Variants in GALNTL6 observed in about 807,000 individuals in gnomAD.
GALNTL6 encodes polypeptide N-acetylgalactosaminyltransferase-like 6.
In GALNTL6, 46 loss-of-function variants were observed where a neutral mutation model predicts 73.7. The ratio of observed to expected loss-of-function variants is 0.62; its 90% CI spans 0.49 to 0.80. The LOEUF (loss-of-function observed/expected upper bound fraction) is 0.80. Ranked by LOEUF, GALNTL6 falls within the 30% of genes least tolerant of loss-of-function variation. The probability of loss-of-function intolerance (pLI) is 0.00; values close to 1 mark genes in which losing one functional copy is unlikely to be tolerated. For synonymous variants in GALNTL6, 259 were observed against 263.7 expected (o/e 0.98, Z 0.17); for missense variants, 604 against 755.0 (o/e 0.80, Z 2.34).
chr4:172,811,620 A>G (rs1347057631), intron 6 of GALNTL6, among the ~76,000 whole-genome samples: 1 of 152,128 alleles, frequency 6.6e-6, no homozygotes, highest in Non-Finnish European at 1.5e-5. Context: ...TAAAAAACAA[A>G]TGCTTAGCCA....
intron 5 of GALNTL6, among the ~76,000 whole-genome samples, chr4:172,414,349 A>G (rs1387415888): frequency 6.6e-6 from 1 of 152,126 alleles, no homozygotes; most frequent in Non-Finnish European, 1.5e-5. Flanking sequence ...AATTCCACAT[A>G]TTTCCAACTT....
At chr4:172,884,710 A>T (rs1355155147) in intron 8 of GALNTL6, among the ~76,000 whole-genome samples, 1 of 152,180 alleles carries the variant, frequency 6.6e-6, no homozygotes, top group Non-Finnish European at 1.5e-5. Flanking sequence ...AATGTCCTGT[A>T]GTGTTTCCCC....
intron 2 of GALNTL6, among the ~76,000 whole-genome samples, chr4:171,883,876 T>C (rs1490179097): frequency 1.3e-5 from 2 of 152,066 alleles, no homozygotes; most frequent in Non-Finnish European, 1.5e-5. Flanking sequence ...CTCAATCTCC[T>C]AACCTTGTGA....
intron 5 of GALNTL6, among the ~76,000 whole-genome samples, chr4:172,635,805 A>G (rs1002483314): frequency 1.3e-5 from 2 of 152,218 alleles, no homozygotes; most frequent in Non-Finnish European, 2.9e-5. Context: ...CATTTCTGGT[A>G]GCATATCATA....
At chr4:172,977,984 C>A (rs1750898700) in intron 10 of GALNTL6, among the ~76,000 whole-genome samples, 1 of 152,090 alleles carries the variant, frequency 6.6e-6, no homozygotes, top group Admixed American at 6.5e-5. Context: ...GGATTACAGG[C>A]ACCCGCCACC....
intron 7 of GALNTL6, among the ~76,000 whole-genome samples, chr4:172,826,641 TG>T (rs1207945300): frequency 6.6e-6 from 1 of 152,092 alleles, no homozygotes; most frequent in African/African-American, 2.4e-5. Flanking sequence ...CCTGTGGGGA[TG>T]GGGGGAACGG....
chr4:172,785,384 A>G (rs1739594692), intron 5 of GALNTL6, among the ~76,000 whole-genome samples: 2 of 152,128 alleles, frequency 1.3e-5, no homozygotes, highest in Non-Finnish European at 2.9e-5. Flanking sequence ...TAAATAAGAG[A>G]AGGTCAAAAG....
At chr4:171,944,829 C>T (rs928031207) in intron 2 of GALNTL6, among the ~76,000 whole-genome samples, 3 of 151,882 alleles carry the variant, frequency 2.0e-5, no homozygotes, top group Non-Finnish European at 4.4e-5. Context: ...AAAAATCTCA[C>T]CTGTACTTAA....
intron 5 of GALNTL6, among the ~76,000 whole-genome samples, chr4:172,712,897 A>C (rs1734799396): frequency 6.6e-6 from 1 of 152,130 alleles, no homozygotes; most frequent in South Asian, 2.1e-4. Flanking sequence ...TGTAAATCTC[A>C]GTTTTGCCAC....
chr4:171,825,520 T>G (rs1237461351), intron 2 of GALNTL6, among the ~76,000 whole-genome samples: 1 of 152,142 alleles, frequency 6.6e-6, no homozygotes, highest in Admixed American at 6.6e-5. Context: ...TAACTTTTCT[T>G]TCACAAGCCA....
intron 5 of GALNTL6, among the ~76,000 whole-genome samples, chr4:172,789,307 G>T (rs1739861295): frequency 6.6e-6 from 1 of 152,216 alleles, no homozygotes; most frequent in African/African-American, 2.4e-5. Flanking sequence ...TTAGTGGTTT[G>T]TTATAAAGCA....
chr4:172,836,102 A>G (rs1742897888), intron 7 of GALNTL6, among the ~76,000 whole-genome samples: 1 of 152,194 alleles, frequency 6.6e-6, no homozygotes, highest in African/African-American at 2.4e-5. Context: ...CCAAGCCCCC[A>G]GCAGAGCCAG....
intron 2 of GALNTL6, among the ~76,000 whole-genome samples, chr4:171,949,270 C>A (rs772160931): frequency 3.3e-5 from 5 of 152,148 alleles, no homozygotes; most frequent in African/African-American, 4.8e-5. Flanking sequence ...AAACAACAAA[C>A]CTTACATAGC....
At chr4:171,935,540 T>C (rs1738314064) in intron 2 of GALNTL6, among the ~76,000 whole-genome samples, 1 of 152,086 alleles carries the variant, frequency 6.6e-6, no homozygotes, top group Non-Finnish European at 1.5e-5. Context: ...ATGATCATAG[T>C]TCATTGTGCA....
At chr4:172,773,692 A>G (rs1738907429) in intron 5 of GALNTL6, among the ~76,000 whole-genome samples, 1 of 152,102 alleles carries the variant, frequency 6.6e-6, no homozygotes, top group African/African-American at 2.4e-5. Context: ...TGCAAGGTAG[A>G]TGTTGTTATC....
chr4:172,282,281 A>G (rs556306195), intron 3 of GALNTL6, among the ~76,000 whole-genome samples: 83 of 152,312 alleles, frequency 5.4e-4, no homozygotes, highest in African/African-American at 1.9e-3. Flanking sequence ...GAACATTGCT[A>G]TGCTTCATCA....
intron 5 of GALNTL6, among the ~76,000 whole-genome samples, chr4:172,488,525 C>T (rs1733778060): frequency 6.6e-6 from 1 of 152,122 alleles, no homozygotes; most frequent in Admixed American, 6.6e-5. Context: ...CTGTAGAAAG[C>T]CCAGCACAGT....
intron 5 of GALNTL6, among the ~76,000 whole-genome samples, chr4:172,466,305 T>C (rs1213419010): frequency 6.6e-6 from 1 of 152,194 alleles, no homozygotes; most frequent in Admixed American, 6.5e-5. Flanking sequence ...GATAGTTGAA[T>C]TTCAAAAACA....
intron 4 of GALNTL6, among the ~76,000 whole-genome samples, chr4:172,337,201 G>A (rs1030093484): frequency 1.3e-5 from 2 of 151,866 alleles, no homozygotes; most frequent in South Asian, 2.1e-4. Flanking sequence ...GCTGCTGGAC[G>A]GGTCATTTTT....
Sources: allele counts gnomAD v4.1 joint callset (sites outside exome capture counted in the v4.1 genomes callset), GRCh38; gene constraint gnomAD v4.1.1; transcripts MANE v1.5; gene names NCBI Gene and HGNC (gene_info 2026-07-23, HGNC 2026-07-21).